Variants in ATP2C2 observed in about 807,000 individuals in gnomAD.
ATP2C2 encodes ATPase secretory pathway Ca2+ transporting 2, also known as calcium-transporting ATPase type 2C member 2.
A neutral mutation model predicts 110.8 loss-of-function variants in ATP2C2; 171 were observed. That is an observed-to-expected ratio of 1.54 (90% confidence interval 1.36 to 1.75). ATP2C2 has a LOEUF of 1.75. Among genes scored for constraint, ATP2C2 ranks in the 40% most tolerant of loss-of-function variants. ATP2C2 has a pLI of 0.00. For synonymous variants in ATP2C2, 804 were observed against 508.4 expected, an observed-to-expected ratio of 1.58 and a Z score of -7.82; for missense variants, 1,963 against 1,235.0, an observed-to-expected ratio of 1.59 and a Z score of -8.84.
intron 11 of ATP2C2, among the ~76,000 whole-genome samples, chr16:84,427,717 A>G (rs964177076): frequency 2.0e-5 from 3 of 152,146 alleles, no homozygotes; most frequent in African/African-American, 7.2e-5. Flanking sequence ...AGACTGTCTG[A>G]AAAAAGAAAC....
intron 11 of ATP2C2, among the ~76,000 whole-genome samples, chr16:84,426,452 C>T (rs1434031634): frequency 2.0e-5 from 3 of 152,154 alleles, no homozygotes; most frequent in Non-Finnish European, 1.5e-5. Context: ...TCTTGTCACT[C>T]TTTGCCTGTG....
rs202138049 is a variant in ATP2C2 at position 84,394,002 on chromosome 16, C to CAAAAAA, written c.100-4494_100-4489dup. ...AAAACCTTGTCTCAATTAAAAATAC[C>CAAAAAA]AAAAAAAATAAAAAAATAAAAAATA... On this transcript the variant is annotated intron_variant, in intron 1 of 26. Coordinates refer to ENST00000262429, the MANE Select transcript of ATP2C2 (RefSeq NM_014861.4). 7.2e-4 allele frequency among the ~76,000 whole-genome samples: 84 copies of CAAAAAA among 117,398 alleles called. 1 individual carries two copies. Among genetic ancestry groups the CAAAAAA allele is most frequent in the Non-Finnish European group, 9.6e-4 (52 of 54,302 alleles). The allele number at this position is 117,398 out of a possible 152,430, so 77.0% of individuals were successfully genotyped here.
chr16:84,437,058 G>A (rs1010947162), intron 11 of ATP2C2, among the ~76,000 whole-genome samples: 84 of 151,970 alleles, frequency 5.5e-4, no homozygotes, highest in African/African-American at 1.9e-3. Flanking sequence ...CGCCACACCC[G>A]GCCTTTTTCT....
intron 1 of ATP2C2, among the ~76,000 whole-genome samples, chr16:84,395,319 A>C (rs942440676): frequency 3.3e-5 from 5 of 151,928 alleles, no homozygotes; most frequent in Admixed American, 1.3e-4. Context: ...CTGTCACCCC[A>C]TGACTTCCTC....
At chr16:84,379,113 C>G (rs770138088) in intron 1 of ATP2C2, among the ~76,000 whole-genome samples, 1 of 150,488 alleles carries the variant, frequency 6.6e-6, no homozygotes, top group Non-Finnish European at 1.5e-5. Context: ...CACTCTCTTC[C>G]CCTCTCTTCC....
At chr16:84,451,475 C>A (rs1377041207) in intron 17 of ATP2C2, among the ~76,000 whole-genome samples, 1 of 152,236 alleles carries the variant, frequency 6.6e-6, no homozygotes, top group African/African-American at 2.4e-5. Context: ...CTCTGCCCTC[C>A]CTTTCAGGCT....
intron 2 of ATP2C2, chr16:84,404,649 A>G (rs1905588958): frequency 6.3e-6 from 2 of 317,916 alleles, no homozygotes; most frequent in South Asian, 2.8e-5. Flanking sequence ...GAACAGTGCT[A>G]CGAACATGGT....
At chr16:84,432,191 G>C (rs1908339178) in intron 11 of ATP2C2, among the ~76,000 whole-genome samples, 1 of 152,172 alleles carries the variant, frequency 6.6e-6, no homozygotes, top group Non-Finnish European at 1.5e-5. Context: ...GGTGATTTCT[G>C]AGATTTTCAT....
chr16:84,442,543 AAG>A lies in ATP2C2; in HGVS notation c.1347_1348del (p.Asn450ArgfsTer22). ...TGTTGCCAACAATGCGGTCATCAGA[AAG>A]AACGCCGTGATGGGGCAGCCCACCG... Reference protein sequence around the residue: ...GCVANNAVIRKNAVMGQPTEG... With the variant: ...GCVANNAVIRXNAVMGQPTEG... On this transcript the variant is annotated frameshift_variant, in exon 15 of 27. Coordinates refer to ENST00000262429, the MANE Select transcript of ATP2C2 (RefSeq NM_014861.4). LOFTEE classifies it high-confidence loss of function. The A allele has an allele frequency of 6.2e-7, 1 of 1,614,092 alleles. No homozygotes were observed. The highest frequency in any genetic ancestry group is 8.5e-7 in the Non-Finnish European group (1 of 1,179,964).
chr16:84,439,149 T>G lies in ATP2C2; in HGVS notation c.987-17T>G, dbSNP rs369924720. On this transcript the variant is annotated splice_polypyrimidine_tract_variant and intron_variant, in intron 11 of 26. Transcript: ENST00000262429. ...CTTAAATGTGTTAGAGGGGACTCAT[T>G]TGACCTTTCGATCCAGCCTGGCTGT... The G allele has an allele frequency of 1.4e-5, 22 of 1,612,036 alleles. 1 individual carries two copies. The African/African-American group carries it at 1.5e-4, about 11-fold the overall frequency.
At chr16:84,461,868 G>A in intron 25 of ATP2C2, 56 bp downstream of exon 25, 1 of 1,609,218 alleles carries the variant, frequency 6.2e-7, no homozygotes. Context: ...CTCGACAGCA[G>A]CGCCCCGACC....
At chr16:84,418,299 G>A (rs1450408784) in intron 7 of ATP2C2, among the ~76,000 whole-genome samples, 1 of 151,962 alleles carries the variant, frequency 6.6e-6, no homozygotes, top group Non-Finnish European at 1.5e-5. Context: ...CTGTTCCCCC[G>A]ACTCTATTTT....
intron 11 of ATP2C2, among the ~76,000 whole-genome samples, chr16:84,430,120 A>G (rs951876308): frequency 4.6e-5 from 7 of 152,214 alleles, no homozygotes; most frequent in Non-Finnish European, 5.9e-5. Flanking sequence ...CCCTGTTTGC[A>G]CATAAGGTCA....
chr16:84,454,925 G>C lies in ATP2C2; in HGVS notation c.2088G>C (p.Thr696=). 1 of 1,613,978 alleles carries C rather than the reference G, an allele frequency of 6.2e-7. No individual in the cohort carries two copies. Among genetic ancestry groups the C allele is most frequent in the Non-Finnish European group, 8.5e-7 (1 of 1,179,962 alleles). ...DIGIAMGQTG[T]DVSKEAANMI... ...GGATCGCCATGGGGCAGACAGGGAC[G>C]GACGTCAGCAAAGAGGCCGCCAACA... is the stretch of plus-strand genomic sequence containing the variant. The change falls in exon 21 of 27, where the codon ACG becomes ACC. Residue 696 remains threonine (T), a synonymous_variant. Coordinates refer to ENST00000262429, the MANE Select transcript of ATP2C2 (RefSeq NM_014861.4).
At chr16:84,443,465 G>T (rs1019793890) in intron 15 of ATP2C2, among the ~76,000 whole-genome samples, 1 of 152,132 alleles carries the variant, frequency 6.6e-6, no homozygotes, top group Non-Finnish European at 1.5e-5. Context: ...GGAAAAGCCC[G>T]ACTCAGGGTG....
chr16:84,370,207 C>T (rs569448605), intron 1 of ATP2C2, among the ~76,000 whole-genome samples: 1 of 152,158 alleles, frequency 6.6e-6, no homozygotes, highest in African/African-American at 2.4e-5. Flanking sequence ...GTGGACTCGT[C>T]CCTCCAAAGC....
At chr16:84,401,304 A>G (rs1011332302) in intron 2 of ATP2C2, among the ~76,000 whole-genome samples, 8 of 147,028 alleles carry the variant, frequency 5.4e-5, no homozygotes, top group Non-Finnish European at 7.4e-5. Context: ...GCTCACTGCA[A>G]CCTCTGCCTC....
intron 7 of ATP2C2, among the ~76,000 whole-genome samples, chr16:84,416,199 A>G (rs1191869473): frequency 6.6e-6 from 1 of 152,126 alleles, no homozygotes; most frequent in East Asian, 1.9e-4. Context: ...GTTTGGGGAC[A>G]TTGGCTGTGG....
chr16:84,409,991 G>A (rs1289965054), intron 4 of ATP2C2, among the ~76,000 whole-genome samples: 3 of 152,042 alleles, frequency 2.0e-5, no homozygotes, highest in South Asian at 4.2e-4. Flanking sequence ...GGTGGATCAC[G>A]AGGTCAGGAG....
Sources: gnomAD v4.1 joint callset for allele counts (sites outside exome capture counted in the v4.1 genomes callset) on GRCh38, gnomAD v4.1.1 for gene constraint, MANE v1.5 for transcripts, NCBI Gene and HGNC (gene_info 2026-07-23, HGNC 2026-07-21) for gene names.